Variants in KCNN2 observed in about 807,000 individuals in gnomAD.
KCNN2 encodes the protein small conductance calcium-activated potassium channel protein 2.
Under a neutral mutation model 55.5 loss-of-function variants are expected in KCNN2, and 24 were observed. The ratio of observed to expected loss-of-function variants is 0.43; its 90% CI spans 0.31 to 0.61. The LOEUF (loss-of-function observed/expected upper bound fraction) is 0.61. Among genes scored for constraint, KCNN2 ranks in the 20% least tolerant of loss-of-function variants. KCNN2 has a pLI of 0.08. For synonymous variants in KCNN2, 431 were observed against 336.1 expected (o/e 1.28, Z -3.09); for missense variants, 754 against 853.6 (o/e 0.88, Z 1.45).
intron 1 of KCNN2, among the ~76,000 whole-genome samples, chr5:114,139,848 A>T (rs113057348): frequency 5.3e-5 from 8 of 152,094 alleles, no homozygotes; most frequent in African/African-American, 1.7e-4. Flanking sequence ...ATTAAATGGA[A>T]CGACAATTAA....
chr5:114,255,660 C>G (rs1754967127), intron 2 of KCNN2, among the ~76,000 whole-genome samples: 1 of 151,840 alleles, frequency 6.6e-6, no homozygotes, highest in African/African-American at 2.4e-5. Context: ...ATGATGGCCA[C>G]AATAGTAGGA....
chr5:114,168,874 G>A (rs1752973665), intron 1 of KCNN2, among the ~76,000 whole-genome samples: 1 of 152,040 alleles, frequency 6.6e-6, no homozygotes, highest in Non-Finnish European at 1.5e-5. Context: ...GTATAATATG[G>A]TTTGGCTCTG....
intron 1 of KCNN2, among the ~76,000 whole-genome samples, chr5:114,173,456 G>A (rs1753079905): frequency 6.9e-6 from 1 of 144,760 alleles, no homozygotes. Context: ...GTGTGTGTGT[G>A]TGTGTGTGTG....
intron 2 of KCNN2, among the ~76,000 whole-genome samples, chr5:114,257,053 G>T (rs1284955880): frequency 7.3e-6 from 1 of 137,802 alleles, no homozygotes; most frequent in Non-Finnish European, 1.6e-5. Flanking sequence ...TGAGATAGAG[G>T]TCCACTTTCA....
chr5:114,460,732 AC>A (rs1437205390), intron 3 of KCNN2, among the ~76,000 whole-genome samples: 3 of 152,210 alleles, frequency 2.0e-5, no homozygotes, highest in African/African-American at 7.2e-5. Flanking sequence ...ATGCATTACA[AC>A]ATACGTCAAA....
chr5:114,070,862 T>A (rs755660074), intron 1 of KCNN2, among the ~76,000 whole-genome samples: 1 of 152,226 alleles, frequency 6.6e-6, no homozygotes, highest in Non-Finnish European at 1.5e-5. Flanking sequence ...GAAATTATAC[T>A]TTTTTCTTAC....
intron 2 of KCNN2, among the ~76,000 whole-genome samples, chr5:114,308,389 T>C (rs1756331898): frequency 6.6e-6 from 1 of 151,906 alleles, no homozygotes; most frequent in Non-Finnish European, 1.5e-5. Context: ...AATGAAGGAG[T>C]TGGGAAGTGA....
intron 2 of KCNN2, among the ~76,000 whole-genome samples, chr5:114,293,758 G>C (rs1341023608): frequency 3.3e-5 from 5 of 152,188 alleles, no homozygotes; most frequent in Non-Finnish European, 7.3e-5. Flanking sequence ...GAGAGTTTCA[G>C]AAGGAATGGT....
rs1015843066 is a variant in KCNN2, at chr5:114,395,710, A to G, written c.1219-8728A>G. ...TTTATAGAATTGAGTGCATTAACAT[A>G]TCTCTCAACCTGGCAAATACCACTG... On this transcript the variant is annotated intron_variant, in intron 2 of 7. Transcript: ENST00000673685. 5.9e-5 allele frequency among the ~76,000 whole-genome samples: 9 copies of G among 152,292 alleles called. No individual in the cohort carries two copies. In the South Asian group the frequency reaches 1.7e-3, roughly 28 times the overall value.
At chr5:114,162,217 G>A (rs1752801454) in intron 1 of KCNN2, among the ~76,000 whole-genome samples, 1 of 152,144 alleles carries the variant, frequency 6.6e-6, no homozygotes, top group South Asian at 2.1e-4. Context: ...TTTTCCTTCT[G>A]ACAGTCAGGA....
At chr5:114,075,777 G>A (rs1274398076) in intron 1 of KCNN2, among the ~76,000 whole-genome samples, 2 of 152,140 alleles carry the variant, frequency 1.3e-5, no homozygotes, top group African/African-American at 2.4e-5. Flanking sequence ...GTGCTTGCAC[G>A]CTGGGGCTTG....
In KCNN2 at chr5:114,225,909, C is replaced by G. The variant is rs867737639; in HGVS notation, c.-185+4344C>G. Among the ~76,000 whole-genome samples the G allele has an allele frequency of 7.9e-5, 12 of 152,138 alleles. No homozygotes were observed. The South Asian group carries it at 1.2e-3, about 16-fold the overall frequency. ...ATGAATATTTAAGCTTGTCCTTTGG[C>G]AAAACAAAATGAATTGAAGAGGGAC... is the stretch of plus-strand genomic sequence containing the variant. On this transcript the variant is annotated intron_variant, in intron 2 of 10. Transcript: ENST00000512097.
chr5:114,086,823 G>A (rs1039117707), intron 1 of KCNN2, among the ~76,000 whole-genome samples: 1 of 152,148 alleles, frequency 6.6e-6, no homozygotes, highest in Non-Finnish European at 1.5e-5. Context: ...GGGACAAATG[G>A]TAGTTCAGTT....
intron 1 of KCNN2, among the ~76,000 whole-genome samples, chr5:114,221,308 A>G (rs1363229428): frequency 6.6e-6 from 1 of 152,360 alleles, no homozygotes; most frequent in East Asian, 1.9e-4. Context: ...GCAATAATTA[A>G]GCTGACTGTA....
chr5:114,399,841 A>G (rs1758729992), intron 2 of KCNN2, among the ~76,000 whole-genome samples: 1 of 148,238 alleles, frequency 6.7e-6, no homozygotes, highest in African/African-American at 2.5e-5. Flanking sequence ...GGGAGATTGT[A>G]TGTTTCCAGG....
chr5:114,319,851 A>G (rs1257123505), intron 2 of KCNN2, among the ~76,000 whole-genome samples: 1 of 152,142 alleles, frequency 6.6e-6, no homozygotes, highest in South Asian at 2.1e-4. Context: ...TAATATTTTT[A>G]TGTGCTAATT....
At chr5:114,080,884 TA>T (rs1365361330) in intron 1 of KCNN2, among the ~76,000 whole-genome samples, 5 of 151,940 alleles carry the variant, frequency 3.3e-5, no homozygotes, top group African/African-American at 1.2e-4. Context: ...AAAGAAGAAG[TA>T]AAATTATCTC....
chr5:114,474,937 C>G (rs1993657), intron 5 of KCNN2, among the ~76,000 whole-genome samples: 57 of 151,560 alleles, frequency 3.8e-4, no homozygotes, highest in Non-Finnish European at 7.4e-4. Context: ...GCCAAGTTAG[C>G]ATGTTTGGGC....
intron 2 of KCNN2, among the ~76,000 whole-genome samples, chr5:114,301,977 T>C (rs1448778679): frequency 6.6e-6 from 1 of 152,226 alleles, no homozygotes; most frequent in Non-Finnish European, 1.5e-5. Context: ...TTGAAAATGC[T>C]GATGCTTGGC....
Sources: gnomAD v4.1 joint callset for allele counts (sites outside exome capture counted in the v4.1 genomes callset) on GRCh38, gnomAD v4.1.1 for gene constraint, MANE v1.5 for transcripts, NCBI Gene and HGNC (gene_info 2026-07-23, HGNC 2026-07-21) for gene names.